The following TMED10 variants were observed in gnomAD, a reference collection of about 807,000 sequenced individuals.
The protein encoded by TMED10 is transmembrane p24 trafficking protein 10.
A neutral mutation model predicts 23.1 loss-of-function variants in TMED10; 7 were observed. That is an observed-to-expected ratio of 0.30 (90% CI 0.17 to 0.57). The LOEUF (loss-of-function observed/expected upper bound fraction) is 0.57, where lower values mean the gene tolerates loss of function less well. Ranked by LOEUF, TMED10 falls within the 20% of genes least tolerant of loss-of-function variation. TMED10 has a pLI of 0.91. For missense variants in TMED10, 162 were observed against 274.8 expected (o/e 0.59, Z 2.90); for synonymous variants, 113 against 106.9 (o/e 1.06, Z -0.35).
In TMED10 at chr14:75,140,445, C is replaced by T. The variant is rs530441572; in HGVS notation, c.412-4559G>A. ...AAAATTAGCCAGGTGTGGTGGCTCA[C>T]GCCTGTAATCTCAGCACTTTGGGAG... On this transcript the variant is annotated intron_variant, in intron 3 of 4. Coordinates refer to ENST00000303575, the MANE Select transcript of TMED10 (RefSeq NM_006827.6). Among the ~76,000 whole-genome samples the T allele has an allele frequency of 1.1e-3, 173 of 152,040 alleles. 2 individuals carry two copies. Among genetic ancestry groups the T allele is most frequent in the African/African-American group, 3.7e-3 (154 of 41,504 alleles).
Position 75,133,920 on chromosome 14 carries a change from G to C in TMED10, c.*965C>G. 3.3e-6 allele frequency: 1 copy of C among 302,582 alleles called. No individual in the cohort carries two copies. The highest frequency in any genetic ancestry group is 6.2e-6 in the Non-Finnish European group (1 of 160,262). The allele number at this position is 302,582 out of a possible 1,614,324, so 18.7% of individuals were successfully genotyped here. A position where few individuals can be genotyped will look rare whatever the true frequency, so the allele number is the denominator to read the frequency against. Reference sequence around the variant, plus strand: ...TAAAACATTTTTAAAAGAAAAAAAGGAAGAAACTATTCATACATGCAACAA... The same window carrying C: ...TAAAACATTTTTAAAAGAAAAAAAGCAAGAAACTATTCATACATGCAACAA... On this transcript the variant is annotated 3_prime_UTR_variant, in exon 5 of 5. Coordinates refer to ENST00000303575, the MANE Select transcript of TMED10 (RefSeq NM_006827.6).
At chr14:75,144,156 A>T (rs915558422) in intron 3 of TMED10, among the ~76,000 whole-genome samples, 5 of 152,162 alleles carry the variant, frequency 3.3e-5, no homozygotes, top group East Asian at 3.8e-4. Flanking sequence ...GAGTTAGAAG[A>T]TGTGTCAGAT....
Position 75,166,385 on chromosome 14 carries a change from G to C in TMED10, c.225+9970C>G, listed in dbSNP as rs570729536. Among the ~76,000 whole-genome samples, 20 of 152,288 alleles carry C rather than the reference G, an allele frequency of 1.3e-4. No individual in the cohort carries two copies. The East Asian group carries it at 2.5e-3, about 19-fold the overall frequency. ...GCTCTATATGCATATGGGGGCAATGGCTCAGGATCAAACTACCAGTCAGCA... is the reference window on the plus strand; with the variant it reads ...GCTCTATATGCATATGGGGGCAATGCCTCAGGATCAAACTACCAGTCAGCA... On this transcript the variant is annotated intron_variant, in intron 1 of 4. Transcript: ENST00000303575.
rs779033697 is a variant in TMED10, at chr14:75,176,400, G to A, written c.180C>T (p.Ile60=). Residue 60 remains isoleucine, a synonymous_variant, in exon 1 of 5, where the codon ATC becomes ATT. Transcript: ENST00000303575. ...CGCCAGCGCCCCCAGACTGGTCGGAGATCTCGTACGCGCCAGTCACTAGCA... is the reference window on the plus strand; with the variant it reads ...CGCCAGCGCCCCCAGACTGGTCGGAAATCTCGTACGCGCCAGTCACTAGCA... ...KDLLVTGAYE[I]SDQSGGAGGL... The A allele has an allele frequency of 2.6e-5, 42 of 1,614,116 alleles. No homozygotes were observed. The highest frequency in any genetic ancestry group is 3.4e-5 in the Non-Finnish European group (40 of 1,180,046).
intron 1 of TMED10, 145 bp from the exon 2 acceptor site, chr14:75,152,288 A>C: frequency 1.6e-6 from 1 of 640,048 alleles, no homozygotes. Flanking sequence ...CCCCAAAGAC[A>C]AAAACTGGAT....
chr14:75,174,728 T>C (rs1896278942), intron 1 of TMED10, among the ~76,000 whole-genome samples: 1 of 152,096 alleles, frequency 6.6e-6, no homozygotes, highest in Non-Finnish European at 1.5e-5. Context: ...ATGGTCTTAT[T>C]ATATCTGAAA....
rs777994967 is a variant in TMED10 at position 75,176,584 on chromosome 14, C to G, written c.-5G>C. 6.2e-7 allele frequency: 1 copy of G among 1,613,810 alleles called. No individual in the cohort carries two copies. The highest frequency in any genetic ancestry group is 8.5e-7 in the Non-Finnish European group (1 of 1,179,924). On this transcript the variant is annotated 5_prime_UTR_variant, in exon 1 of 5. Coordinates refer to ENST00000303575, the MANE Select transcript of TMED10 (RefSeq NM_006827.6). The stretch of plus-strand genomic sequence containing the variant: ...TGGGCCAGACAAACCAGACATGGTG[C>G]TGGAGACTCGTTCACCACCGAAGGC...
chr14:75,141,323 A>G (rs1895820059), intron 3 of TMED10, among the ~76,000 whole-genome samples: 1 of 152,176 alleles, frequency 6.6e-6, no homozygotes, highest in African/African-American at 2.4e-5. Context: ...GTCTAGACAT[A>G]AGTAGTCTGG....
chr14:75,157,774 T>G (rs577141193), intron 1 of TMED10, among the ~76,000 whole-genome samples: 1 of 151,880 alleles, frequency 6.6e-6, no homozygotes, highest in African/African-American at 2.4e-5. Flanking sequence ...ACCCCGTCTC[T>G]ACTAAAAATA....
At chr14:75,167,716 G>C (rs1896182402) in intron 1 of TMED10, among the ~76,000 whole-genome samples, 2 of 152,096 alleles carry the variant, frequency 1.3e-5, no homozygotes, top group South Asian at 4.1e-4. Flanking sequence ...TTTTCAGCCA[G>C]GTGCAGGGGT....
At chr14:75,148,092 AGT>A (rs1895910822) in intron 2 of TMED10, among the ~76,000 whole-genome samples, 1 of 152,136 alleles carries the variant, frequency 6.6e-6, no homozygotes, top group Non-Finnish European at 1.5e-5. Context: ...AAATCAAAAC[AGT>A]GTGAAATTGA....
rs750880024 is a variant in TMED10, at chr14:75,147,756, G to C, written c.338-19C>G. ...CCTGTTCCTGAGAAAGAAATCAAAGGAATCATTGTGTGAAATACTTAAAAT... is the reference window on the plus strand; with the variant it reads ...CCTGTTCCTGAGAAAGAAATCAAAGCAATCATTGTGTGAAATACTTAAAAT... On this transcript the variant is annotated intron_variant, in intron 2 of 4. Coordinates refer to ENST00000303575, the MANE Select transcript of TMED10 (RefSeq NM_006827.6). 16 of 1,613,774 alleles carry C rather than the reference G, an allele frequency of 9.9e-6. No individual in the cohort carries two copies. The South Asian group carries it at 1.8e-4, about 18-fold the overall frequency.
At chr14:75,143,673 C>T (rs1408235840) in intron 3 of TMED10, among the ~76,000 whole-genome samples, 2 of 152,158 alleles carry the variant, frequency 1.3e-5, no homozygotes. Context: ...GTGGCTCATG[C>T]CTGTAATCCC....
chr14:75,143,298 C>T (rs1002564459), intron 3 of TMED10, among the ~76,000 whole-genome samples: 1 of 152,092 alleles, frequency 6.6e-6, no homozygotes, highest in Non-Finnish European at 1.5e-5. Context: ...ATAACACCTC[C>T]AAAATACCAG....
chr14:75,134,952 A>G lies in TMED10; in HGVS notation c.593T>C (p.Ile198Thr), dbSNP rs780756789. ...GAAGACCTGCCAGGTAGCTAGTCCA[A>G]TGAGACAGAACATTGAAAAGATGCT... is the stretch of plus-strand genomic sequence containing the variant. ...YFSIFSMFCL[I>T]GLATWQVFYL... The change falls in exon 5 of 5, where the codon ATT (isoleucine) becomes ACT (threonine). Residue 198 changes from isoleucine (I) to threonine (T), a missense_variant. Coordinates refer to ENST00000303575, the MANE Select transcript of TMED10 (RefSeq NM_006827.6). The G allele has an allele frequency of 7.4e-6, 12 of 1,614,036 alleles. No individual in the cohort carries two copies. In the African/African-American group the frequency reaches 1.3e-4, roughly 18 times the overall value.
intron 1 of TMED10, 31 bp from the exon 2 acceptor site, chr14:75,152,174 G>A: frequency 6.4e-7 from 1 of 1,554,650 alleles, no homozygotes; most frequent in Admixed American, 1.7e-5. Context: ...AGAATAGGCA[G>A]CAAATAACAC....
intron 1 of TMED10, among the ~76,000 whole-genome samples, chr14:75,173,399 A>AGAGGGGAGGG (rs1329427996): frequency 6.7e-6 from 1 of 148,436 alleles, no homozygotes. Context: ...AAGGGAAGGA[A>AGAGGGGAGGG]GAGGGGAGGG....
At position 75,133,511 on chromosome 14, in the gene TMED10, G is replaced by A. The variant is rs1895712115; in HGVS notation, c.*1374C>T. Reference sequence around the variant, plus strand: ...TACCAAATGCTGGTGAGGATGTGAAGAAACTGGATCAATCATACATTGCTG... The same window carrying A: ...TACCAAATGCTGGTGAGGATGTGAAAAAACTGGATCAATCATACATTGCTG... On this transcript the variant is annotated 3_prime_UTR_variant, in exon 5 of 5. Transcript: ENST00000303575. 1 of 152,294 alleles carries A rather than the reference G, an allele frequency of 6.6e-6. No individual in the cohort carries two copies. Among genetic ancestry groups the A allele is most frequent in the Non-Finnish European group, 1.5e-5 (1 of 68,098 alleles). The allele number at this position is 152,294 out of a possible 1,614,324, so 9.4% of individuals were successfully genotyped here.
chr14:75,143,404 A>T (rs919438737), intron 3 of TMED10, among the ~76,000 whole-genome samples: 1 of 152,216 alleles, frequency 6.6e-6, no homozygotes, highest in African/African-American at 2.4e-5. Flanking sequence ...CTGTACCAAG[A>T]AAAGGTATTA....
Sources: gnomAD v4.1 joint callset for allele counts (sites outside exome capture counted in the v4.1 genomes callset) on GRCh38, gnomAD v4.1.1 for gene constraint, MANE v1.5 for transcripts, NCBI Gene and HGNC (gene_info 2026-07-23, HGNC 2026-07-21) for gene names.